DNER: variants seen among roughly 807,000 people sequenced by gnomAD.
DNER encodes the protein delta/notch like EGF repeat containing, also known as delta and Notch-like epidermal growth factor-related receptor.
DNER carries 33 observed loss-of-function variants against 78.2 expected under a neutral mutation model. That is an observed-to-expected ratio of 0.42 (90% CI 0.32 to 0.56). The LOEUF is 0.56. DNER is among the 20% of genes least tolerant of loss of function. The pLI is 0.11. For missense variants in DNER, 918 were observed against 975.3 expected, an observed-to-expected ratio of 0.94 and a Z score of 0.78; for synonymous variants, 417 against 384.8, an observed-to-expected ratio of 1.08 and a Z score of -0.98.
intron 4 of DNER, among the ~76,000 whole-genome samples, chr2:229,563,518 T>TACCATCACCATCATCGTCATCATCCTCAC (rs1697013003): frequency 1.2e-5 from 1 of 86,620 alleles, no homozygotes; most frequent in Non-Finnish European, 2.1e-5. Context: ...AACATCATCA[T>TACCATCACCATCATCGTCATCATCCTCAC]CCCATCACCA....
chr2:229,432,839 C>T (rs1259134266), intron 8 of DNER, among the ~76,000 whole-genome samples: 1 of 152,190 alleles, frequency 6.6e-6, no homozygotes, highest in African/African-American at 2.4e-5. Context: ...CAACGTCTCC[C>T]ACAATCTCTG....
At chr2:229,537,630 T>C (rs1696432362) in intron 5 of DNER, among the ~76,000 whole-genome samples, 1 of 152,228 alleles carries the variant, frequency 6.6e-6, no homozygotes, top group Admixed American at 6.5e-5. Flanking sequence ...ATATTTAACA[T>C]GCCACCAACA....
chr2:229,543,857 C>A (rs554367024), intron 5 of DNER, among the ~76,000 whole-genome samples: 31 of 152,240 alleles, frequency 2.0e-4, no homozygotes, highest in African/African-American at 6.5e-4. Context: ...AGTATTGATG[C>A]CTGCTCTTTC....
intron 1 of DNER, among the ~76,000 whole-genome samples, chr2:229,624,239 A>G (rs1358081140): frequency 6.6e-6 from 1 of 152,222 alleles, no homozygotes; most frequent in Admixed American, 6.5e-5. Flanking sequence ...AAAGGAAAAC[A>G]CAACTCTAAG....
intron 10 of DNER, among the ~76,000 whole-genome samples, chr2:229,406,523 A>G (rs1693387622): frequency 1.3e-5 from 2 of 152,236 alleles, no homozygotes; most frequent in South Asian, 4.1e-4. Flanking sequence ...GAAAGTTAAA[A>G]GCCTGAGAGA....
chr2:229,366,424 G>C (rs1230943592), intron 12 of DNER, among the ~76,000 whole-genome samples: 1 of 152,120 alleles, frequency 6.6e-6, no homozygotes, highest in African/African-American at 2.4e-5. Flanking sequence ...TTCCAGAAAA[G>C]GATACTGATT....
At chr2:229,364,844 C>T (rs202164864) in intron 12 of DNER, among the ~76,000 whole-genome samples, 5 of 75,478 alleles carry the variant, frequency 6.6e-5, no homozygotes, top group Middle Eastern at 7.9e-3. Flanking sequence ...CTCTCTCTCT[C>T]TTTTTTTTTT....
chr2:229,493,915 G>A (rs1286688125), intron 6 of DNER, among the ~76,000 whole-genome samples: 1 of 152,198 alleles, frequency 6.6e-6, no homozygotes, highest in Non-Finnish European at 1.5e-5. Context: ...TGGCTCAGAA[G>A]CTGTGGCCAA....
intron 1 of DNER, among the ~76,000 whole-genome samples, chr2:229,700,873 A>G (rs929461079): frequency 2.6e-5 from 4 of 151,784 alleles, no homozygotes; most frequent in African/African-American, 9.7e-5. Flanking sequence ...AGCCTGGGCG[A>G]CAGAGCGAGA....
At chr2:229,447,010 G>T (rs1487147837) in intron 8 of DNER, among the ~76,000 whole-genome samples, 2 of 152,140 alleles carry the variant, frequency 1.3e-5, no homozygotes, top group Non-Finnish European at 2.9e-5. Flanking sequence ...ATGAGATTAA[G>T]CCTGTTTTCA....
intron 1 of DNER, among the ~76,000 whole-genome samples, chr2:229,682,857 A>G (rs1699408538): frequency 6.6e-6 from 1 of 152,140 alleles, no homozygotes; most frequent in Admixed American, 6.5e-5. Flanking sequence ...CAAAGAGAAA[A>G]AAAAGAAAAG....
In DNER at chr2:229,708,663, G is replaced by A. The variant is rs9967784; in HGVS notation, c.276+5485C>T. On this transcript the variant is annotated intron_variant, in intron 1 of 12. Coordinates refer to ENST00000341772, the MANE Select transcript of DNER (RefSeq NM_139072.4). ...AAATTCAGACTAGGTTTTCTTTCTT[G>A]TTTGATGCTTATCAAATGAGAGCAT... 9.2e-3 allele frequency among the ~76,000 whole-genome samples: 1,396 copies of A among 152,216 alleles called. 22 individuals are homozygous for A. Among genetic ancestry groups the A allele is most frequent in the African/African-American group, 0.032 (1,325 of 41,544 alleles).
Position 229,669,203 on chromosome 2 carries a change from C to T in DNER, c.276+44945G>A, listed in dbSNP as rs1483659069. ...GACACAGGGAGGGGAACATCACATA[C>T]CGGGGCCTGTTGTGGGGTTGGGGGC... On this transcript the variant is annotated intron_variant, in intron 1 of 12. Transcript: ENST00000341772. Among the ~76,000 whole-genome samples the T allele has an allele frequency of 3.3e-5, 5 of 151,940 alleles. 1 individual carries two copies. The South Asian group carries it at 1.0e-3, about 32-fold the overall frequency.
intron 1 of DNER, among the ~76,000 whole-genome samples, chr2:229,599,563 TC>T (rs201469417): frequency 0.016 from 2,430 of 152,204 alleles, 68 homozygotes; most frequent in African/African-American, 0.056. Flanking sequence ...ATTGCTAACA[TC>T]CCCTGGGGAA....
chr2:229,712,415 A>C (rs988303230), intron 1 of DNER, among the ~76,000 whole-genome samples: 1 of 152,148 alleles, frequency 6.6e-6, no homozygotes, highest in African/African-American at 2.4e-5. Flanking sequence ...AGTTGTGTTA[A>C]ATTCCCAGTG....
At chr2:229,663,864 G>C (rs2154216642) in intron 1 of DNER, among the ~76,000 whole-genome samples, 2 of 152,260 alleles carry the variant, frequency 1.3e-5, no homozygotes, top group East Asian at 3.9e-4. Context: ...GTCTCACTCT[G>C]TCCCCCAGGC....
At chr2:229,699,232 T>A (rs1205928375) in intron 1 of DNER, among the ~76,000 whole-genome samples, 2 of 152,090 alleles carry the variant, frequency 1.3e-5, no homozygotes, top group Non-Finnish European at 2.9e-5. Flanking sequence ...AAAAAAAGAA[T>A]CTTGATAAAA....
In DNER at chr2:229,568,613, A is replaced by G. The variant is rs761749406; in HGVS notation, c.847+17245T>C. Among the ~76,000 whole-genome samples, 65 of 152,368 alleles carry G rather than the reference A, an allele frequency of 4.3e-4. 1 individual carries two copies. The highest frequency in any genetic ancestry group is 5.7e-4 in the Non-Finnish European group (39 of 68,034). On this transcript the variant is annotated intron_variant, in intron 4 of 12. Coordinates refer to ENST00000341772, the MANE Select transcript of DNER (RefSeq NM_139072.4). The stretch of plus-strand genomic sequence containing the variant: ...ATGCCATACACTCATTATTATAATT[A>G]TAGCATTATTTCTAATTCTAAATGT...
chr2:229,430,687 A>AATAT lies in DNER; in HGVS notation c.1487-12461_1487-12458dup, dbSNP rs58809747. ...TGATCGTGTGACTTAATACTTAGTA[A>AATAT]ATATATATATATATATATATTCCAT... On this transcript the variant is annotated intron_variant, in intron 8 of 12. Transcript: ENST00000341772. Among the ~76,000 whole-genome samples, 644 of 144,546 alleles carry AATAT rather than the reference A, an allele frequency of 4.5e-3. 7 individuals carry two copies. The highest frequency in any genetic ancestry group is 0.013 in the African/African-American group (536 of 39,852). 94.8% of individuals were successfully genotyped at this position (144,546 alleles called of 152,430 possible).
Sources: gnomAD v4.1 joint callset for allele counts (sites outside exome capture counted in the v4.1 genomes callset) on GRCh38, gnomAD v4.1.1 for gene constraint, MANE v1.5 for transcripts, NCBI Gene and HGNC (gene_info 2026-07-23, HGNC 2026-07-21) for gene names.